The following C2CD2 variants were observed in gnomAD, a reference collection of about 807,000 sequenced individuals.
C2CD2 encodes C2 domain-containing protein 2.
In C2CD2, 43 loss-of-function variants were observed where a neutral mutation model predicts 74.3. The ratio of observed to expected loss-of-function variants is 0.58; its 90% CI spans 0.45 to 0.75. The LOEUF (loss-of-function observed/expected upper bound fraction) is 0.75, where lower values mean the gene tolerates loss of function less well. Among genes scored for constraint, C2CD2 ranks in the 30% least tolerant of loss-of-function variants. The pLI is 0.00. For synonymous variants in C2CD2, 422 were observed against 390.7 expected, an observed-to-expected ratio of 1.08 and a Z score of -0.94; for missense variants, 801 against 916.3, an observed-to-expected ratio of 0.87 and a Z score of 1.63.
At chr21:41,891,046 G>T (rs561841955) in intron 13 of C2CD2, among the ~76,000 whole-genome samples, 1 of 152,136 alleles carries the variant, frequency 6.6e-6, no homozygotes, top group Non-Finnish European at 1.5e-5. Flanking sequence ...TTTTTATGAC[G>T]TGTCATTTGG....
Position 41,899,187 on chromosome 21 carries a change from A to G in C2CD2, c.1736T>C (p.Leu579Pro). 6.2e-7 allele frequency: 1 copy of G among 1,612,832 alleles called. No homozygotes were observed. The highest frequency in any genetic ancestry group is 1.1e-5 in the South Asian group (1 of 90,964). Residue 579 changes from leucine (L) to proline (P), a missense_variant, in exon 13 of 14, where the codon CTA becomes CCA. Physicochemically the swap from Leu to Pro is moderately conservative, Grantham distance 98. Transcript: ENST00000380486. The surrounding 1 kb of genome is among the most constrained non-coding windows in gnomAD (Gnocchi z 4.4). ...CTCCTTCTCCAAGTCCCAGGAGTCT[A>G]GCTCGTCCTCCTGGGGCTTGGGGGC... ...SLAPKPQEDE[L>P]DSWDLEKEPQ...
Position 41,887,713 on chromosome 21 carries a change from A to G in C2CD2, c.*1411T>C, listed in dbSNP as rs2064701211. 6.6e-6 allele frequency: 1 copy of G among 152,220 alleles called. No individual in the cohort carries two copies. Among genetic ancestry groups the G allele is most frequent in the East Asian group, 1.9e-4 (1 of 5,204 alleles). The allele number at this position is 152,220 out of a possible 1,614,324, so 9.4% of individuals were successfully genotyped here. On this transcript the variant is annotated 3_prime_UTR_variant, in exon 14 of 14. Transcript: ENST00000380486. Reference sequence around the variant, plus strand: ...CCAGTGGCTCTATTACCCCCGAAATATTTAATGTTTAAGGATTAACAAGAG... The same window carrying G: ...CCAGTGGCTCTATTACCCCCGAAATGTTTAATGTTTAAGGATTAACAAGAG...
Position 41,892,878 on chromosome 21 carries a change from A to T in C2CD2, c.1871-3534T>A, listed in dbSNP as rs569527095. Among the ~76,000 whole-genome samples, 11 of 152,366 alleles carry T rather than the reference A, an allele frequency of 7.2e-5. No homozygotes were observed. The East Asian group carries it at 9.7e-4, about 13-fold the overall frequency. ...TTCACTCTGGGGGCCGGCAGACCAC[A>T]GGGCTGTGTGGGTAGAAGCTGACGC... is the stretch of plus-strand genomic sequence containing the variant. On this transcript the variant is annotated intron_variant, in intron 13 of 13. Coordinates refer to ENST00000380486, the MANE Select transcript of C2CD2 (RefSeq NM_015500.2). The surrounding 1 kb of genome is among the most constrained non-coding windows in gnomAD (Gnocchi z 4.6).
rs369422328 is a variant in C2CD2, at chr21:41,944,521, CAAAAAAAAAA to C, written c.280-2286_280-2277del. On this transcript the variant is annotated intron_variant, in intron 1 of 13. Coordinates refer to ENST00000380486, the MANE Select transcript of C2CD2 (RefSeq NM_015500.2). ...TGGGCGACAGAGCGAGACTCTGCCT[CAAAAAAAAAA>C]AAAAAAAAAAAGAAAAGAAAAGAGT... is the stretch of plus-strand genomic sequence containing the variant. Among the ~76,000 whole-genome samples the C allele has an allele frequency of 3.1e-5, 3 of 97,948 alleles. No individual in the cohort carries two copies. In the Admixed American group the frequency reaches 4.0e-4, roughly 13 times the overall value. The allele number at this position is 97,948 out of a possible 152,430, so 64.3% of individuals were successfully genotyped here. A position where few individuals can be genotyped will look rare whatever the true frequency, so the allele number is the denominator to read the frequency against.
chr21:41,909,691 A>G (rs2065004355), intron 7 of C2CD2, among the ~76,000 whole-genome samples, 168 bp from the exon 8 acceptor site: 1 of 152,150 alleles, frequency 6.6e-6, no homozygotes, highest in African/African-American at 2.4e-5. Flanking sequence ...CAACCTCCCC[A>G]TTCGGAAACA....
At chr21:41,893,167 AC>A (rs1417267410) in intron 13 of C2CD2, among the ~76,000 whole-genome samples, 1 of 152,170 alleles carries the variant, frequency 6.6e-6, no homozygotes, top group Non-Finnish European at 1.5e-5. Flanking sequence ...AAAAAATTAA[AC>A]TTTTTTTAAA....
At chr21:41,917,796 T>G (rs1434889410) in intron 5 of C2CD2, among the ~76,000 whole-genome samples, 1 of 152,148 alleles carries the variant, frequency 6.6e-6, no homozygotes, top group African/African-American at 2.4e-5. Context: ...TCTGCTTGCT[T>G]CTGGGGCAAT....
At chr21:41,909,278 A>G (rs2064999621) in intron 8 of C2CD2, among the ~76,000 whole-genome samples, 181 bp downstream of exon 8, 1 of 152,240 alleles carries the variant, frequency 6.6e-6, no homozygotes, top group African/African-American at 2.4e-5. Flanking sequence ...CCCAAAATGT[A>G]TGACCTTGTT....
At position 41,926,117 on chromosome 21, in the gene C2CD2, C is replaced by T. The variant is rs1370659181; in HGVS notation, c.379-4032G>A. 6.6e-6 allele frequency among the ~76,000 whole-genome samples: 1 copy of T among 152,224 alleles called. No homozygotes were observed. The highest frequency in any genetic ancestry group is 1.9e-4 in the East Asian group (1 of 5,200). The stretch of plus-strand genomic sequence containing the variant: ...TCCTCAGAGGACAGGAGTGAACCCC[C>T]AGCCCCAGGGAAGAACTCCACAGAG... On this transcript the variant is annotated intron_variant, in intron 2 of 13. Transcript: ENST00000380486. This position sits in a 1 kb window ranked among gnomAD's most constrained non-coding sequence, Gnocchi z 8.0.
At chr21:41,951,446 C>T (rs2065449893) in intron 1 of C2CD2, among the ~76,000 whole-genome samples, 1 of 147,290 alleles carries the variant, frequency 6.8e-6, no homozygotes, top group South Asian at 2.1e-4. Flanking sequence ...CAGAGATGGC[C>T]CTGGGTTGCT....
chr21:41,901,542 T>C, intron 12 of C2CD2, 80 bp downstream of exon 12: 1 of 1,472,616 alleles, frequency 6.8e-7, no homozygotes, highest in Middle Eastern at 1.7e-4. Flanking sequence ...GTGCTTGGGC[T>C]AACTTCTTCA....
At chr21:41,913,591 CT>C (rs1366861583) in intron 6 of C2CD2, among the ~76,000 whole-genome samples, 1 of 152,166 alleles carries the variant, frequency 6.6e-6, no homozygotes, top group Non-Finnish European at 1.5e-5. Context: ...CATGTGGGCA[CT>C]TTTACCAAAA....
intron 2 of C2CD2, among the ~76,000 whole-genome samples, chr21:41,933,652 C>A (rs1366539547): frequency 2.0e-5 from 3 of 152,222 alleles, no homozygotes; most frequent in Admixed American, 2.0e-4. Flanking sequence ...TGTTCTACTC[C>A]CAACTGACCC....
At chr21:41,942,028 G>A (rs2065358428) in intron 2 of C2CD2, 119 bp downstream of exon 2, 1 of 1,344,548 alleles carries the variant, frequency 7.4e-7, no homozygotes, top group Non-Finnish European at 1.0e-6. Context: ...CCAGATGGTT[G>A]TTTTGATTTT....
At chr21:41,943,850 T>G (rs1337597509) in intron 1 of C2CD2, among the ~76,000 whole-genome samples, 1 of 152,224 alleles carries the variant, frequency 6.6e-6, no homozygotes, top group African/African-American at 2.4e-5. Flanking sequence ...GAATTAAATG[T>G]ACTGCTCGAG....
At chr21:41,898,999 G>A (rs1395550676) in intron 13 of C2CD2, 54 bp downstream of exon 13, 4 of 1,357,884 alleles carry the variant, frequency 2.9e-6, no homozygotes, top group Admixed American at 1.7e-5. Context: ...AAGCCAGCAT[G>A]AGCGCAAAGC....
chr21:41,944,935 C>T (rs2065386371), intron 1 of C2CD2, among the ~76,000 whole-genome samples: 1 of 152,198 alleles, frequency 6.6e-6, no homozygotes. Flanking sequence ...AACACATGCA[C>T]TACGAATGAA....
At chr21:41,908,382 A>G (rs1601565160) in intron 8 of C2CD2, 1 of 152,970 alleles carries the variant, frequency 6.5e-6, no homozygotes, top group Non-Finnish European at 1.5e-5. Flanking sequence ...TGTTCTTTGC[A>G]TTGTTTTTGT....
rs763883084 is a variant in C2CD2, at chr21:41,907,083, C to T, written c.1227G>A (p.Thr409=). 68 of 1,613,804 alleles carry T rather than the reference C, an allele frequency of 4.2e-5. No individual in the cohort carries two copies. The highest frequency in any genetic ancestry group is 6.7e-5 in the Admixed American group (4 of 60,016). The part of the protein sequence containing the change: ...VPAAKIEKDR[T]VMPCGTVVTT... Reference sequence around the variant, plus strand: ...TGACCACAGTCCCACAGGGCATCACCGTGCGGTCCTTTTCTATTTTTGCAG... The same window carrying T: ...TGACCACAGTCCCACAGGGCATCACTGTGCGGTCCTTTTCTATTTTTGCAG... The change falls in exon 10 of 14, where the codon ACG becomes ACA. Residue 409 remains threonine (T), a synonymous_variant. Coordinates refer to ENST00000380486, the MANE Select transcript of C2CD2 (RefSeq NM_015500.2).
Sources: gnomAD v4.1 joint callset for allele counts (sites outside exome capture counted in the v4.1 genomes callset) on GRCh38, gnomAD v4.1.1 for gene constraint, Gnocchi (gnomAD v3.1) non-coding constraint, MANE v1.5 for transcripts, NCBI Gene and HGNC (gene_info 2026-07-23, HGNC 2026-07-21) for gene names.